ZNF286A: variants seen among roughly 807,000 people sequenced by gnomAD.
The protein encoded by ZNF286A is zinc finger protein ZNF286.
In ZNF286A, 34 loss-of-function variants were observed where a neutral mutation model predicts 49.3. The ratio of observed to expected loss-of-function variants is 0.69; its 90% confidence interval spans 0.52 to 0.92. The LOEUF (loss-of-function observed/expected upper bound fraction) is 0.92, where lower values mean the gene tolerates loss of function less well. Among genes scored for constraint, ZNF286A ranks in the 40% least tolerant of loss-of-function variants. ZNF286A has a pLI of 0.00. For synonymous variants in ZNF286A, 155 were observed against 200.4 expected (o/e 0.77, Z 1.91); for missense variants, 462 against 600.2 (o/e 0.77, Z 2.41).
At chr17:15,714,377 A>G (rs1966916954) in intron 5 of ZNF286A, among the ~76,000 whole-genome samples, 2 of 152,168 alleles carry the variant, frequency 1.3e-5, no homozygotes, top group East Asian at 1.9e-4. Flanking sequence ...TTTTGAACTT[A>G]TAGTTTCCCA....
At chr17:15,701,048 G>C (rs1437889596) in intron 2 of ZNF286A, 104 bp from the exon 3 acceptor site, 9 of 848,096 alleles carry the variant, frequency 1.1e-5, no homozygotes, top group South Asian at 6.8e-5. Context: ...TTCAGTCTCA[G>C]TGTTTGTAGG....
Position 15,711,635 on chromosome 17 carries a change from C to T in ZNF286A, c.334+3388C>T, listed in dbSNP as rs543385824. On this transcript the variant is annotated intron_variant, in intron 5 of 5. Transcript: ENST00000583566. ...AAATGGCTAGACAATAAATAATTAC[C>T]CTTTGTGGGACATGGTGTCTCTGCA... 1.4e-4 allele frequency among the ~76,000 whole-genome samples: 21 copies of T among 151,944 alleles called. No individual in the cohort carries two copies. In the South Asian group the frequency reaches 4.4e-3, roughly 32 times the overall value.
chr17:15,714,882 T>G (rs1256313084), intron 5 of ZNF286A, among the ~76,000 whole-genome samples: 1 of 152,080 alleles, frequency 6.6e-6, no homozygotes, highest in Admixed American at 6.5e-5. Context: ...AACTTAATTT[T>G]CTTCTAATAG....
rs1350232210 is a variant in ZNF286A, at chr17:15,718,167, C to T, written c.*877C>T. On this transcript the variant is annotated 3_prime_UTR_variant, in exon 6 of 6. Transcript: ENST00000583566. ...AGCCAGGATGGTCTTGATCTCCTGA[C>T]CTCGTGATCTGCCTGCCTCGGCCTC... 6.6e-6 allele frequency: 1 copy of T among 151,502 alleles called. No homozygotes were observed. The highest frequency in any genetic ancestry group is 2.0e-4 in the East Asian group (1 of 5,124). 9.4% of individuals were successfully genotyped at this position (151,502 alleles called of 1,614,324 possible).
chr17:15,712,062 T>C (rs62071723), intron 5 of ZNF286A, among the ~76,000 whole-genome samples: 2,876 of 152,092 alleles, frequency 0.019, 18 homozygotes, highest in Non-Finnish European at 0.027. Flanking sequence ...TTAGTAGAGA[T>C]GGGGTTTCAC....
Position 15,703,259 on chromosome 17 carries a change from A to C in ZNF286A, c.126+2019A>C, listed in dbSNP as rs546973833. On this transcript the variant is annotated intron_variant, in intron 3 of 5. Transcript: ENST00000583566. ...GGGAAAATTAGGGCACTGGTACCAG[A>C]AGCGTGAATATATATTTCAATACTT... Among the ~76,000 whole-genome samples, 1,411 of 151,134 alleles carry C rather than the reference A, an allele frequency of 9.3e-3. 20 individuals are homozygous for C. The highest frequency in any genetic ancestry group is 0.032 in the African/African-American group (1,334 of 41,444).
intron 3 of ZNF286A, among the ~76,000 whole-genome samples, chr17:15,702,025 G>A (rs1420437948): frequency 1.3e-5 from 2 of 151,994 alleles, no homozygotes; most frequent in Non-Finnish European, 2.9e-5. Flanking sequence ...TGGAGGCTGG[G>A]GCAGGAGAAT....
rs2151444317 is a variant in ZNF286A, at chr17:15,699,785, G to T, written c.-196+8G>T. 1.4e-6 allele frequency: 1 copy of T among 702,908 alleles called. No individual in the cohort carries two copies. The highest frequency in any genetic ancestry group is 2.7e-5 in the East Asian group (1 of 37,286). The allele number at this position is 702,908 out of a possible 1,614,324, so 43.5% of individuals were successfully genotyped here. On this transcript the variant is annotated splice_region_variant and intron_variant, in intron 1 of 5. Transcript: ENST00000583566. ...TGAGGCCCGGGATGGGAGGTGAGTT[G>T]CTTGTGGTGATGTCGCTCGTCTCGG...
intron 5 of ZNF286A, among the ~76,000 whole-genome samples, chr17:15,715,442 A>G (rs943274560): frequency 2.6e-5 from 4 of 152,088 alleles, no homozygotes; most frequent in Admixed American, 2.6e-4. Flanking sequence ...TCATTTCTGT[A>G]TAGTAGGATA....
Position 15,719,794 on chromosome 17 carries a change from G to A in ZNF286A, c.*2504G>A, listed in dbSNP as rs1302120172. On this transcript the variant is annotated 3_prime_UTR_variant, in exon 6 of 6. Transcript: ENST00000583566. ...TACAGAAAATATTTTCTTGGCCCCT[G>A]TTCCAGAGCATTCATCAAGTCAGAT... 6.6e-6 allele frequency: 1 copy of A among 152,164 alleles called. No homozygotes were observed. Among genetic ancestry groups the A allele is most frequent in the African/African-American group, 2.4e-5 (1 of 41,428 alleles). 9.4% of individuals were successfully genotyped at this position (152,164 alleles called of 1,614,324 possible). A position where few individuals can be genotyped will look rare whatever the true frequency, so the allele number is the denominator to read the frequency against.
chr17:15,704,755 C>A (rs566645874), intron 3 of ZNF286A: 1 of 1,613,944 alleles, frequency 6.2e-7, no homozygotes, highest in African/African-American at 1.3e-5. Flanking sequence ...CCCTTCAGGG[C>A]CCTCGATGGT....
rs559963724 is a variant in ZNF286A at position 15,711,866 on chromosome 17, C to G, written c.334+3619C>G. 5.4e-4 allele frequency among the ~76,000 whole-genome samples: 56 copies of G among 103,502 alleles called. 1 individual carries two copies. Among genetic ancestry groups the G allele is most frequent in the Middle Eastern group, 5.0e-3 (1 of 200 alleles). The allele number at this position is 103,502 out of a possible 152,430, so 67.9% of individuals were successfully genotyped here. On this transcript the variant is annotated intron_variant, in intron 5 of 5. Coordinates refer to ENST00000583566, the MANE Select transcript of ZNF286A (RefSeq NM_001130842.2). ...TTGCATTTATCTGTAATCTGCCCCC[C>G]CCCCGGCTTTTTTTTTTTTTTTTGA...
chr17:15,715,595 T>C (rs1262885260), intron 5 of ZNF286A, among the ~76,000 whole-genome samples: 1 of 152,088 alleles, frequency 6.6e-6, no homozygotes, highest in Non-Finnish European at 1.5e-5. Flanking sequence ...AAAGCATTGT[T>C]AGGAAGATTA....
intron 4 of ZNF286A, 66 bp downstream of exon 4, chr17:15,706,567 A>G: frequency 8.4e-7 from 1 of 1,190,340 alleles, no homozygotes; most frequent in East Asian, 2.5e-5. Context: ...AAAGTGAAAT[A>G]GCTTAACAAA....
At position 15,717,333 on chromosome 17, in the gene ZNF286A, G is replaced by A. The variant is rs3915632; in HGVS notation, c.*43G>A. ...AGAAATGTAAGTTGGTTTTATCACT[G>A]TATTAAATACTTGAGTGTTTAGGTG... On this transcript the variant is annotated 3_prime_UTR_variant, in exon 6 of 6. Transcript: ENST00000583566. 0.69 allele frequency: 853,943 copies of A among 1,236,102 alleles called. 345,146 individuals are homozygous for A. The highest frequency in any genetic ancestry group is 0.91 in the African/African-American group (60,524 of 66,332). The allele number at this position is 1,236,102 out of a possible 1,614,324, so 76.6% of individuals were successfully genotyped here.
rs566176776 is a variant in ZNF286A at position 15,713,670 on chromosome 17, G to A, written c.335-2389G>A. 5.0e-3 allele frequency among the ~76,000 whole-genome samples: 758 copies of A among 151,018 alleles called. 1 individual carries two copies. Among genetic ancestry groups the A allele is most frequent in the Non-Finnish European group, 7.7e-3 (519 of 67,842 alleles). ...CTTTTGGACAATATTGGTTCACTAA[G>A]TGCAGATCTTCTTTGTTGACACTTT... On this transcript the variant is annotated intron_variant, in intron 5 of 5. Transcript: ENST00000583566.
Position 15,711,162 on chromosome 17 carries a change from T to TA in ZNF286A, c.334+2916dup, listed in dbSNP as rs1597723616. Among the ~76,000 whole-genome samples, 4 of 152,278 alleles carry TA rather than the reference T, an allele frequency of 2.6e-5. No individual in the cohort carries two copies. The East Asian group carries it at 5.8e-4, about 22-fold the overall frequency. On this transcript the variant is annotated intron_variant, in intron 5 of 5. Transcript: ENST00000583566. ...CTCCTGACCTCATGATCCGCCCGCC[T>TA]AGGCCTCCCAAAGTGCTGGGATTAC...
At chr17:15,715,279 A>G (rs1464782974) in intron 5 of ZNF286A, among the ~76,000 whole-genome samples, 2 of 151,778 alleles carry the variant, frequency 1.3e-5, no homozygotes, top group African/African-American at 4.8e-5. Context: ...TCTTTATAAA[A>G]AAGTAGCAAA....
In ZNF286A at chr17:15,701,197, A is replaced by G; in HGVS notation, c.83A>G (p.Glu28Gly). ...CCCCATTTCCAAGAGAAGAGCACAG[A>G]AGAGGGAGAAGTGGCTGCTCTGCGC... ...DSPHFQEKSTEEGEVAALRLT... is the reference protein window; with the variant it reads ...DSPHFQEKSTGEGEVAALRLT... The change falls in exon 3 of 6, where the codon GAA becomes GGA. Residue 28 changes from glutamate (E) to glycine (G), a missense_variant. Around this residue, in one of 3 missense-constraint regions of ZNF286A, gnomAD observed 259 missense variants for 272.2 expected, o/e 0.95. Transcript: ENST00000583566. The G allele has an allele frequency of 6.2e-7, 1 of 1,614,138 alleles. No homozygotes were observed. The highest frequency in any genetic ancestry group is 1.6e-4 in the Middle Eastern group (1 of 6,062).
Sources: gnomAD v4.1 joint callset for allele counts (sites outside exome capture counted in the v4.1 genomes callset) on GRCh38, gnomAD v4.1.1 for gene constraint, gnomAD v4.1.1 regional missense constraint, MANE v1.5 for transcripts, NCBI Gene and HGNC (gene_info 2026-07-23, HGNC 2026-07-21) for gene names.